AGGF1: variants seen among roughly 807,000 people sequenced by gnomAD.
The protein encoded by AGGF1 is angiogenic factor with G-patch and FHA domains 1, also known as angiogenic factor with G patch and FHA domains 1.
Under a neutral mutation model 86.5 loss-of-function variants are expected in AGGF1, and 56 were observed. That is an observed-to-expected ratio of 0.65 (90% CI 0.52 to 0.81). AGGF1 has a LOEUF of 0.81. AGGF1 is among the 30% of genes least tolerant of loss of function. AGGF1 has a pLI of 0.00. For synonymous variants in AGGF1, 313 were observed against 297.1 expected (o/e 1.05, Z -0.55); for missense variants, 816 against 850.9 (o/e 0.96, Z 0.51).
At chr5:77,031,892 C>T (rs1285282337) in intron 1 of AGGF1, among the ~76,000 whole-genome samples, 1 of 151,922 alleles carries the variant, frequency 6.6e-6, no homozygotes, top group Non-Finnish European at 1.5e-5. Context: ...CGACAGAGTG[C>T]AACTCTGTCT....
rs962672886 is a variant in AGGF1, at chr5:77,056,551, G to A, written c.1716+955G>A. Among the ~76,000 whole-genome samples, 226 of 151,294 alleles carry A rather than the reference G, an allele frequency of 1.5e-3. 1 individual carries two copies. The highest frequency in any genetic ancestry group is 5.3e-3 in the African/African-American group (218 of 41,322). On this transcript the variant is annotated intron_variant, in intron 11 of 13. Transcript: ENST00000312916. Reference sequence around the variant, plus strand: ...CCAAGAGTGGTCTTTTACAACAAATGGTGGTAGAATAATTGGATGGCCTTA... The same window carrying A: ...CCAAGAGTGGTCTTTTACAACAAATAGTGGTAGAATAATTGGATGGCCTTA...
intron 12 of AGGF1, among the ~76,000 whole-genome samples, chr5:77,061,210 C>A (rs548983574): frequency 6.6e-6 from 1 of 152,180 alleles, no homozygotes; most frequent in Admixed American, 6.5e-5. Flanking sequence ...AGCTTATTCT[C>A]CCTGTGCCCC....
Position 77,055,521 on chromosome 5 carries a change from A to C in AGGF1, c.1641A>C (p.Pro547=). 6.2e-7 allele frequency: 1 copy of C among 1,601,020 alleles called. No individual in the cohort carries two copies. The highest frequency in any genetic ancestry group is 8.6e-7 in the Non-Finnish European group (1 of 1,169,264). ...AAACTTTTTTTCTTTCAGTTGGTCC[A>C]ACACTAAGTAAGGAGGAAAAAGAGT... ...LDKKDESFVG[P]TLSKEEKELE... The change falls in exon 11 of 14, where the codon CCA becomes CCC. Residue 547 remains proline (P), a synonymous_variant. Transcript: ENST00000312916.
chr5:77,032,993 T>C (rs1224067172), intron 1 of AGGF1, among the ~76,000 whole-genome samples: 1 of 152,230 alleles, frequency 6.6e-6, no homozygotes, highest in Non-Finnish European at 1.5e-5. Flanking sequence ...GTTCTGTGAC[T>C]AAACTGCAGC....
chr5:77,041,792 TA>T (rs59511668), intron 5 of AGGF1, among the ~76,000 whole-genome samples: 10,419 of 127,182 alleles, frequency 0.082, 849 homozygotes, highest in African/African-American at 0.18. Flanking sequence ...TTTTTTTATT[TA>T]TTTATTTATT....
chr5:77,039,723 A>G lies in AGGF1; in HGVS notation c.870+4A>G, dbSNP rs1724624011. The stretch of plus-strand genomic sequence containing the variant: ...TTCTGCAACAAATGAGGAAAAGGTA[A>G]TGTCTTTACAATTTTAAAAATTGAC... On this transcript the variant is annotated splice_donor_region_variant and intron_variant, in intron 5 of 13. Transcript: ENST00000312916. 2 of 1,607,740 alleles carry G rather than the reference A, an allele frequency of 1.2e-6. No individual in the cohort carries two copies. The highest frequency in any genetic ancestry group is 1.3e-5 in the African/African-American group (1 of 74,744).
chr5:77,036,520 C>G (rs551407663), intron 3 of AGGF1, 36 bp from the exon 4 acceptor site: 4 of 1,611,854 alleles, frequency 2.5e-6, no homozygotes, highest in South Asian at 1.1e-5. Context: ...TATACAGAAG[C>G]TTTTGTCTTA....
chr5:77,030,730 C>T lies in AGGF1; in HGVS notation c.-37C>T, dbSNP rs773146753. 8.3e-5 allele frequency: 129 copies of T among 1,545,754 alleles called. No homozygotes were observed. The highest frequency in any genetic ancestry group is 1.0e-4 in the Non-Finnish European group (117 of 1,152,174). ...GGCGTCCGTTTCGGCCTGAACGCAG[C>T]CCCTCCGCGGCGACGAGCAGTCTCG... On this transcript the variant is annotated 5_prime_UTR_variant, in exon 1 of 14. Coordinates refer to ENST00000312916, the MANE Select transcript of AGGF1 (RefSeq NM_018046.5).
chr5:77,061,443 G>C (rs1747562549), intron 12 of AGGF1, among the ~76,000 whole-genome samples: 1 of 152,068 alleles, frequency 6.6e-6, no homozygotes, highest in Non-Finnish European at 1.5e-5. Flanking sequence ...TTTAATCATT[G>C]CCAGACATCT....
chr5:77,063,417 A>C lies in AGGF1; in HGVS notation c.*165A>C. 1.3e-6 allele frequency: 1 copy of C among 743,976 alleles called. No homozygotes were observed. The highest frequency in any genetic ancestry group is 1.9e-5 in the South Asian group (1 of 52,820). The allele number at this position is 743,976 out of a possible 1,614,324, so 46.1% of individuals were successfully genotyped here. A position where few individuals can be genotyped will look rare whatever the true frequency, so the allele number is the denominator to read the frequency against. On this transcript the variant is annotated 3_prime_UTR_variant, in exon 14 of 14. Transcript: ENST00000312916. The stretch of plus-strand genomic sequence containing the variant: ...GCAGCTTTTAAAAACCATTTTTTTA[A>C]AACTAATAAATAGTGACTGAACCAA...
In AGGF1 at chr5:77,064,852, T is replaced by C. The variant is rs1010819822; in HGVS notation, c.*1600T>C. The C allele has an allele frequency of 1.3e-5, 2 of 152,244 alleles. No homozygotes were observed. Among genetic ancestry groups the C allele is most frequent in the Non-Finnish European group, 2.9e-5 (2 of 68,036 alleles). The allele number at this position is 152,244 out of a possible 1,614,324, so 9.4% of individuals were successfully genotyped here. ...TGGTCATTGGGTTAGTATATGACTG[T>C]CTATAATATTTTCCATTTGTATTAT... is the stretch of plus-strand genomic sequence containing the variant. On this transcript the variant is annotated 3_prime_UTR_variant, in exon 14 of 14. Coordinates refer to ENST00000312916, the MANE Select transcript of AGGF1 (RefSeq NM_018046.5).
At chr5:77,034,379 TACA>T (rs1746925320) in intron 1 of AGGF1, 36 bp from the exon 2 acceptor site, 1 of 1,243,074 alleles carries the variant, frequency 8.0e-7, no homozygotes, top group Non-Finnish European at 1.2e-6. Flanking sequence ...ATTAGATTGT[TACA>T]TGATTTCTTT....
At chr5:77,057,961 G>A (rs568132442) in intron 11 of AGGF1, among the ~76,000 whole-genome samples, 1 of 152,146 alleles carries the variant, frequency 6.6e-6, no homozygotes, top group Non-Finnish European at 1.5e-5. Flanking sequence ...CACCATTTAT[G>A]TAAACTTCTA....
At position 77,035,761 on chromosome 5, in the gene AGGF1, A is replaced by G. The variant is rs1561283843; in HGVS notation, c.516+18A>G. ...ATTCACAGGTAATAAAATGCTAAAC[A>G]TGAAACTGTTGATGCCCAAGAACCT... On this transcript the variant is annotated intron_variant, in intron 3 of 13. Transcript: ENST00000312916. The G allele has an allele frequency of 6.2e-7, 1 of 1,602,316 alleles. No individual in the cohort carries two copies. Among genetic ancestry groups the G allele is most frequent in the Non-Finnish European group, 8.6e-7 (1 of 1,169,452 alleles).
intron 3 of AGGF1, chr5:77,036,050 C>A: frequency 3.3e-6 from 1 of 305,806 alleles, no homozygotes; most frequent in Non-Finnish European, 6.1e-6. Context: ...ACATTTACAC[C>A]TAAAAAAATT....
rs1380031327 is a variant in AGGF1 at position 77,030,434 on chromosome 5, C to G, written c.-333C>G. On this transcript the variant is annotated 5_prime_UTR_variant, in exon 1 of 14. Coordinates refer to ENST00000312916, the MANE Select transcript of AGGF1 (RefSeq NM_018046.5). ...TGTTTCCGGCTCAACTGGGGAGCTG[C>G]TGGAGCTCTTCTGGCCTCTGGTTTT... The G allele has an allele frequency of 1.1e-5, 6 of 527,850 alleles. No individual in the cohort carries two copies. Among genetic ancestry groups the G allele is most frequent in the Non-Finnish European group, 2.2e-5 (6 of 274,480 alleles). The allele number at this position is 527,850 out of a possible 1,614,324, so 32.7% of individuals were successfully genotyped here.
In AGGF1 at chr5:77,047,523, A is replaced by AT. The variant is rs1181317102; in HGVS notation, c.1202-630dup. On this transcript the variant is annotated intron_variant, in intron 6 of 13. Coordinates refer to ENST00000312916, the MANE Select transcript of AGGF1 (RefSeq NM_018046.5). ...TGGTTCTCAATGGCATTTCTCTTGC[A>AT]TTTTTTTTGAGACAGAGCCTTGCTC... Among the ~76,000 whole-genome samples, 5 of 151,828 alleles carry AT rather than the reference A, an allele frequency of 3.3e-5. No individual in the cohort carries two copies. In the South Asian group the frequency reaches 6.2e-4, roughly 19 times the overall value.
chr5:77,040,977 C>T (rs1747066887), intron 5 of AGGF1, among the ~76,000 whole-genome samples: 2 of 152,218 alleles, frequency 1.3e-5, no homozygotes, highest in Non-Finnish European at 1.5e-5. Context: ...ATCTGCCTAC[C>T]TCAGCCTCCC....
intron 11 of AGGF1, among the ~76,000 whole-genome samples, chr5:77,058,107 G>C (rs1445941314): frequency 6.6e-6 from 1 of 152,134 alleles, no homozygotes; most frequent in African/African-American, 2.4e-5. Context: ...AGATGGATAT[G>C]TTTATTATCT....
Sources: allele counts gnomAD v4.1 joint callset (sites outside exome capture counted in the v4.1 genomes callset), GRCh38; gene constraint gnomAD v4.1.1; transcripts MANE v1.5; gene names NCBI Gene and HGNC (gene_info 2026-07-23, HGNC 2026-07-21).